Variants in PARP4 observed in about 807,000 individuals in gnomAD.
PARP4 encodes the protein protein mono-ADP-ribosyltransferase PARP4.
PARP4 carries 120 observed loss-of-function variants against 187.7 expected under a neutral mutation model. The ratio of observed to expected loss-of-function variants is 0.64; its 90% CI spans 0.55 to 0.74. The LOEUF (loss-of-function observed/expected upper bound fraction) is 0.74, where lower values mean the gene tolerates loss of function less well. PARP4 is among the 30% of genes least tolerant of loss of function. The pLI is 0.00. For missense variants in PARP4, 1,836 were observed against 2,070.5 expected (o/e 0.89, Z 2.20); for synonymous variants, 654 against 740.9 (o/e 0.88, Z 1.90).
intron 6 of PARP4, 44 bp downstream of exon 6, chr13:24,498,072 A>T (rs1243103381): frequency 2.2e-6 from 3 of 1,351,174 alleles, no homozygotes; most frequent in Non-Finnish European, 3.2e-6. Context: ...TGAGTTATGA[A>T]CAGAGGTCAG....
chr13:24,460,627 T>C (rs557355974), intron 17 of PARP4, among the ~76,000 whole-genome samples: 12 of 152,356 alleles, frequency 7.9e-5, no homozygotes, highest in African/African-American at 2.9e-4. Context: ...GGCAGTTTTT[T>C]CTAAGCTTGG....
Position 24,435,272 on chromosome 13 carries a change from G to A in PARP4, c.3869C>T (p.Thr1290Ile), listed in dbSNP as rs1870569859. Residue 1290 changes from threonine (T) to isoleucine (I), a missense_variant, in exon 31 of 34, where the codon ACA becomes ATA. Coordinates refer to ENST00000381989, the MANE Select transcript of PARP4 (RefSeq NM_006437.4). ...AGTTGCTGTTGGTTTACATGACTCT[G>A]TCCAACTTAAATCCAATAGCTTTTC... ...GVEKLLDLSW[T>I]ESCKPTATEP... 3 of 1,613,472 alleles carry A rather than the reference G, an allele frequency of 1.9e-6. No homozygotes were observed. Among genetic ancestry groups the A allele is most frequent in the Non-Finnish European group, 1.7e-6 (2 of 1,179,970 alleles).
rs200944587 is a variant in PARP4 at position 24,451,495 on chromosome 13, G to GAGGGGCAT, written c.3014+903_3014+910dup. 8.2e-3 allele frequency among the ~76,000 whole-genome samples: 1,253 copies of GAGGGGCAT among 152,270 alleles called. 18 individuals are homozygous for GAGGGGCAT. Among genetic ancestry groups the GAGGGGCAT allele is most frequent in the African/African-American group, 0.029 (1,202 of 41,534 alleles). ...CCACAGAGGGACACTGGGGGCCATGGAGGGGCATCGGGGCCACAGAGGGGC... is the reference window on the plus strand; with the variant it reads ...CCACAGAGGGACACTGGGGGCCATGGAGGGGCATAGGGGCATCGGGGCCACAGAGGGGC... On this transcript the variant is annotated intron_variant, in intron 24 of 33. Coordinates refer to ENST00000381989, the MANE Select transcript of PARP4 (RefSeq NM_006437.4).
intron 6 of PARP4, 78 bp downstream of exon 6, chr13:24,498,038 G>T: frequency 1.1e-6 from 1 of 946,618 alleles, no homozygotes; most frequent in Non-Finnish European, 1.7e-6. Context: ...GAAAAAGGTT[G>T]GGAGGTCGGC....
intron 3 of PARP4, 53 bp downstream of exon 3, chr13:24,501,580 A>G (rs1949782644): frequency 1.6e-6 from 2 of 1,237,688 alleles, no homozygotes; most frequent in South Asian, 1.2e-5. Flanking sequence ...GACAAACCCA[A>G]GCGTGTACTA....
At chr13:24,485,427 G>A (rs971359904) in intron 11 of PARP4, among the ~76,000 whole-genome samples, 2 of 152,124 alleles carry the variant, frequency 1.3e-5, no homozygotes, top group African/African-American at 4.8e-5. Flanking sequence ...ACTAATCCAA[G>A]AAAAACTGGC....
Position 24,503,747 on chromosome 13 carries a change from G to A in PARP4, c.30C>T (p.Ile10=), listed in dbSNP as rs372717481. Residue 10 remains isoleucine, a synonymous_variant, in exon 2 of 34, where the codon ATC becomes ATT. Transcript: ENST00000381989. The part of the protein sequence containing the change: MVMGIFANC[I]FCLKVKYLPQ... ...GTAAGTACTTCACTTTCAAACAGAA[G>A]ATACAATTTGCAAAGATTCCCATCA... 2 of 1,613,954 alleles carry A rather than the reference G, an allele frequency of 1.2e-6. No homozygotes were observed. The highest frequency in any genetic ancestry group is 2.2e-5 in the East Asian group (1 of 44,890).
intron 7 of PARP4, 36 bp from the exon 8 acceptor site, chr13:24,493,769 AT>A (rs1868795976): frequency 6.2e-7 from 1 of 1,608,510 alleles, no homozygotes; most frequent in Admixed American, 1.7e-5. Flanking sequence ...CCAAAAAGTC[AT>A]CATGTGTGAG....
chr13:24,434,616 C>T lies in PARP4; in HGVS notation c.4525G>A (p.Glu1509Lys), dbSNP rs748983082. The change falls in exon 31 of 34, where the codon GAA becomes AAA. Residue 1509 changes from glutamate (E) to lysine (K), a missense_variant. Glu to Lys is a moderately conservative substitution (Grantham distance 56). This residue lies in a region of PARP4 where 450 missense variants were observed against 439.2 expected (regional missense o/e 1.02). Coordinates refer to ENST00000381989, the MANE Select transcript of PARP4 (RefSeq NM_006437.4). The stretch of plus-strand genomic sequence containing the variant: ...GCAAAGACAGGACATCGACTTCCTT[C>T]GAGACTGCCTACTGATTCTTCTAGA... The part of the protein sequence containing the change: ...CLLEESVGSL[E>K]GSRCPVFAFQ... The T allele has an allele frequency of 2.4e-5, 38 of 1,611,800 alleles. No individual in the cohort carries two copies. The African/African-American group carries it at 3.9e-4, about 16-fold the overall frequency.
intron 15 of PARP4, 52 bp from the exon 16 acceptor site, chr13:24,470,077 T>A: frequency 6.5e-7 from 1 of 1,529,088 alleles, no homozygotes; most frequent in Non-Finnish European, 8.9e-7. Flanking sequence ...GGACTACATT[T>A]GCAGGAACAA....
chr13:24,426,585 T>C lies in PARP4; in HGVS notation c.4860A>G (p.Arg1620=), dbSNP rs1462632685. The C allele has an allele frequency of 6.2e-7, 1 of 1,612,378 alleles. No homozygotes were observed. Among genetic ancestry groups the C allele is most frequent in the Admixed American group, 1.7e-5 (1 of 59,954 alleles). Residue 1620 remains arginine (R), a synonymous_variant, in exon 33 of 34, where the codon AGA becomes AGG. Coordinates refer to ENST00000381989, the MANE Select transcript of PARP4 (RefSeq NM_006437.4). ...KGIQSLGVKG[R]ECLLDLIATM... ...TGGCAATTAGGTCCAGGAGACATTC[T>C]CTTCCTTTTACACCTAAAAGGAAAA...
intron 20 of PARP4, among the ~76,000 whole-genome samples, chr13:24,458,167 T>G (rs997144245): frequency 1.3e-5 from 2 of 150,688 alleles, no homozygotes; most frequent in Non-Finnish European, 2.9e-5. Context: ...TGGAGTGCAG[T>G]GGCGCAATCT....
intron 21 of PARP4, 27 bp from the exon 22 acceptor site, chr13:24,455,239 T>G: frequency 6.6e-7 from 1 of 1,511,564 alleles, no homozygotes; most frequent in Non-Finnish European, 9.0e-7. Flanking sequence ...GGTGCTGGAC[T>G]GGAGCTTCTT....
chr13:24,433,327 G>A (rs139587430), intron 31 of PARP4, among the ~76,000 whole-genome samples: 86 of 152,182 alleles, frequency 5.7e-4, no homozygotes, highest in Non-Finnish European at 1.2e-4. Context: ...CGGGGCCTTC[G>A]CAGCCTCCAC....
intron 14 of PARP4, among the ~76,000 whole-genome samples, chr13:24,476,869 C>T (rs1873012453): frequency 6.6e-6 from 1 of 152,200 alleles, no homozygotes; most frequent in South Asian, 2.1e-4. Context: ...CTTCAATTTC[C>T]CCTTCAGCCC....
chr13:24,426,891 C>CAAAAAA, intron 32 of PARP4, among the ~76,000 whole-genome samples: 1 of 93,572 alleles, frequency 1.1e-5, no homozygotes, highest in Non-Finnish European at 2.1e-5. Flanking sequence ...GACTCTGTCT[C>CAAAAAA]AAAAAAAAAA....
chr13:24,469,678 T>G (rs974111077), intron 16 of PARP4, among the ~76,000 whole-genome samples: 1 of 152,188 alleles, frequency 6.6e-6, no homozygotes, highest in African/African-American at 2.4e-5. Flanking sequence ...ACACTGAAGA[T>G]GAAGACTGGA....
Position 24,456,636 on chromosome 13 carries a change from C to T in PARP4, c.2425-158G>A, listed in dbSNP as rs1291991963. 2.0e-5 allele frequency among the ~76,000 whole-genome samples: 3 copies of T among 152,060 alleles called. No individual in the cohort carries two copies. In the East Asian group the frequency reaches 5.8e-4, roughly 29 times the overall value. ...AATTCCAAAATAATGAAATGTAGGCCGGGTGCAGTGGCTCACACCTGTAAT... is the reference window on the plus strand; with the variant it reads ...AATTCCAAAATAATGAAATGTAGGCTGGGTGCAGTGGCTCACACCTGTAAT... On this transcript the variant is annotated intron_variant, in intron 20 of 33. Coordinates refer to ENST00000381989, the MANE Select transcript of PARP4 (RefSeq NM_006437.4).
Position 24,434,612 on chromosome 13 carries a change from C to T in PARP4, c.4529G>A (p.Gly1510Glu), listed in dbSNP as rs1209457408. The change falls in exon 31 of 34, where the codon GGA (glycine) becomes GAA (glutamate). Residue 1510 changes from glycine (G) to glutamate (E), a missense_variant. Around this residue, in one of 8 missense-constraint regions of PARP4, gnomAD observed 450 missense variants for 439.2 expected, o/e 1.02. Transcript: ENST00000381989. ...LLEESVGSLE[G>E]SRCPVFAFQS... ...AAAAGCAAAGACAGGACATCGACTT[C>T]CTTCGAGACTGCCTACTGATTCTTC... The T allele has an allele frequency of 1.2e-6, 2 of 1,611,892 alleles. No individual in the cohort carries two copies. Among genetic ancestry groups the T allele is most frequent in the Admixed American group, 1.7e-5 (1 of 59,896 alleles).
Sources: gnomAD v4.1 joint callset for allele counts (sites outside exome capture counted in the v4.1 genomes callset) on GRCh38, gnomAD v4.1.1 for gene constraint, gnomAD v4.1.1 regional missense constraint, MANE v1.5 for transcripts, NCBI Gene and HGNC (gene_info 2026-07-23, HGNC 2026-07-21) for gene names.